The following SLCO1B3 variants were observed in gnomAD, a reference collection of about 807,000 sequenced individuals.
SLCO1B3 encodes the protein liver-specific organic anion transporter 2.
In SLCO1B3, 72 loss-of-function variants were observed where a neutral mutation model predicts 71.8. The observed-to-expected ratio is 1.00, with a 90% CI of 0.83 to 1.22. The LOEUF is 1.22. Among genes scored for constraint, SLCO1B3 ranks in the 50% most tolerant of loss-of-function variants. The pLI, the probability that SLCO1B3 is intolerant of heterozygous loss-of-function variation, is 0.00. For synonymous variants in SLCO1B3, 298 were observed against 278.4 expected, an observed-to-expected ratio of 1.07 and a Z score of -0.70; for missense variants, 911 against 819.7, an observed-to-expected ratio of 1.11 and a Z score of -1.36.
intron 8 of SLCO1B3, among the ~76,000 whole-genome samples, chr12:20,868,607 T>TGG (rs1865415944): frequency 6.6e-6 from 1 of 152,040 alleles, no homozygotes. Flanking sequence ...ACAGATTTGG[T>TGG]GGGTCTCTTA....
At chr12:20,824,441 A>C (rs1468188374) in intron 3 of SLCO1B3, among the ~76,000 whole-genome samples, 1 of 152,188 alleles carries the variant, frequency 6.6e-6, no homozygotes, top group Admixed American at 6.5e-5. Flanking sequence ...TACTCCTCAG[A>C]GTTCAATAGC....
intron 3 of SLCO1B3, among the ~76,000 whole-genome samples, chr12:20,820,933 G>A (rs934890373): frequency 6.6e-6 from 1 of 152,110 alleles, no homozygotes; most frequent in African/African-American, 2.4e-5. Flanking sequence ...GTGGGGGAGG[G>A]GTAGTCATGG....
intron 15 of SLCO1B3, among the ~76,000 whole-genome samples, chr12:20,906,871 A>G (rs750557742): frequency 7.2e-5 from 11 of 152,220 alleles, no homozygotes; most frequent in Non-Finnish European, 1.0e-4. Context: ...GGCAAAGTAT[A>G]TAACTTTGAG....
intron 3 of SLCO1B3, among the ~76,000 whole-genome samples, chr12:20,820,196 C>T (rs1441700035): frequency 2.2e-4 from 34 of 151,916 alleles, no homozygotes; most frequent in African/African-American, 8.2e-4. Flanking sequence ...CGGACTTACC[C>T]TCCACTGTGA....
At chr12:20,864,353 T>C (rs1422288970) in intron 8 of SLCO1B3, among the ~76,000 whole-genome samples, 1 of 152,150 alleles carries the variant, frequency 6.6e-6, no homozygotes, top group African/African-American at 2.4e-5. Flanking sequence ...TGTTAGCATA[T>C]AATAACTCAT....
At chr12:20,883,624 A>G (rs552511534) in intron 13 of SLCO1B3, 22 bp downstream of exon 13, 13 of 1,500,532 alleles carry the variant, frequency 8.7e-6, no homozygotes, top group South Asian at 1.3e-5. Flanking sequence ...CCTGTAAAAC[A>G]TTGTCATGTA....
rs1225790914 is a variant in SLCO1B3 at position 20,874,844 on chromosome 12, C to G, written c.728-391C>G. Among the ~76,000 whole-genome samples the G allele has an allele frequency of 2.0e-5, 3 of 152,102 alleles. No individual in the cohort carries two copies. The East Asian group carries it at 5.8e-4, about 29-fold the overall frequency. ...GCTTAAATTTTATTTCTGAGGCTTT[C>G]TTGACCTCATTAGATGATTCCAACA... is the stretch of plus-strand genomic sequence containing the variant. On this transcript the variant is annotated intron_variant, in intron 8 of 15. Coordinates refer to ENST00000381545, the MANE Select transcript of SLCO1B3 (RefSeq NM_019844.4).
rs1864625424 is a variant in SLCO1B3, at chr12:20,834,365, G to C, written c.84+18543G>C. Among the ~76,000 whole-genome samples the C allele has an allele frequency of 4.6e-5, 5 of 107,694 alleles. No individual in the cohort carries two copies. In the South Asian group the frequency reaches 2.0e-3, roughly 42 times the overall value. 70.7% of individuals were successfully genotyped at this position (107,694 alleles called of 152,430 possible). A position where few individuals can be genotyped will look rare whatever the true frequency, so the allele number is the denominator to read the frequency against. The stretch of plus-strand genomic sequence containing the variant: ...TATATATGTAGTCTTCATATACGTG[G>C]AGACTATATATATATATAATTATAT... On this transcript the variant is annotated intron_variant, in intron 3 of 15. Transcript: ENST00000381545.
In SLCO1B3 at chr12:20,914,141, G is replaced by A. The variant is rs577455604; in HGVS notation, c.1866-1863G>A. Among the ~76,000 whole-genome samples, 18 of 152,146 alleles carry A rather than the reference G, an allele frequency of 1.2e-4. No individual in the cohort carries two copies. The South Asian group carries it at 3.5e-3, about 30-fold the overall frequency. On this transcript the variant is annotated intron_variant, in intron 15 of 15. Transcript: ENST00000381545. ...CTGATATAATTGAAAGAATACTGAC[G>A]ATATTTGTTACTATTTTCTATTTGC...
intron 15 of SLCO1B3, 94 bp downstream of exon 15, chr12:20,901,561 T>C (rs948662197): frequency 2.0e-5 from 13 of 636,534 alleles, no homozygotes; most frequent in African/African-American, 9.3e-5. Context: ...GTAATATTAA[T>C]GATAGCTACC....
intron 3 of SLCO1B3, among the ~76,000 whole-genome samples, chr12:20,841,361 C>A (rs1454035897): frequency 6.6e-6 from 1 of 152,122 alleles, no homozygotes; most frequent in African/African-American, 2.4e-5. Flanking sequence ...AAATTGTATT[C>A]ACTTATCTCA....
chr12:20,883,194 T>A (rs1565601392), intron 12 of SLCO1B3, among the ~76,000 whole-genome samples: 1 of 152,198 alleles, frequency 6.6e-6, no homozygotes, highest in Non-Finnish European at 1.5e-5. Context: ...TTTTAAATAA[T>A]GTATATTAAT....
chr12:20,819,997 G>A (rs1864263571), intron 3 of SLCO1B3, among the ~76,000 whole-genome samples: 1 of 152,044 alleles, frequency 6.6e-6, no homozygotes, highest in African/African-American at 2.4e-5. Flanking sequence ...AAGGGAACTG[G>A]GCAGGTGGGG....
chr12:20,876,774 C>G (rs190827054), intron 9 of SLCO1B3, among the ~76,000 whole-genome samples: 28 of 152,196 alleles, frequency 1.8e-4, no homozygotes, highest in African/African-American at 6.5e-4. Flanking sequence ...AACAGCGTAT[C>G]AAGGATTTTT....
At chr12:20,901,746 A>G (rs1305714930) in intron 15 of SLCO1B3, among the ~76,000 whole-genome samples, 1 of 152,220 alleles carries the variant, frequency 6.6e-6, no homozygotes, top group East Asian at 1.9e-4. Flanking sequence ...TAAAAGAAAT[A>G]CAGCTAGGAT....
rs555419606 is a variant in SLCO1B3, at chr12:20,880,779, C to A, written c.1332-76C>A. On this transcript the variant is annotated intron_variant, in intron 11 of 15. Transcript: ENST00000381545. ...CTCCTCTATTTCCCCTCTCCTTATCCCCTTGTCTCCCTCTTCTGCTCTTTC... is the reference window on the plus strand; with the variant it reads ...CTCCTCTATTTCCCCTCTCCTTATCACCTTGTCTCCCTCTTCTGCTCTTTC... 8.4e-6 allele frequency: 8 copies of A among 956,372 alleles called. No individual in the cohort carries two copies. The African/African-American group carries it at 1.2e-4, about 14-fold the overall frequency. 59.2% of individuals were successfully genotyped at this position (956,372 alleles called of 1,614,324 possible).
intron 15 of SLCO1B3, among the ~76,000 whole-genome samples, chr12:20,903,781 G>A (rs12824715): frequency 0.15 from 23,165 of 152,050 alleles, 1,936 homozygotes; most frequent in Middle Eastern, 0.28. Flanking sequence ...ATCCCTGGTC[G>A]TTCCCAAATC....
intron 3 of SLCO1B3, among the ~76,000 whole-genome samples, chr12:20,832,889 G>T (rs1240615734): frequency 6.6e-6 from 1 of 152,048 alleles, no homozygotes; most frequent in Non-Finnish European, 1.5e-5. Flanking sequence ...ACCCCAAAAC[G>T]CACCTGTGTA....
chr12:20,816,402 A>C (rs1408842259), intron 3 of SLCO1B3, among the ~76,000 whole-genome samples: 2 of 152,008 alleles, frequency 1.3e-5, no homozygotes, highest in Admixed American at 1.3e-4. Flanking sequence ...CACTGTGTCC[A>C]TGAATTCAAT....
Sources: allele counts gnomAD v4.1 joint callset (sites outside exome capture counted in the v4.1 genomes callset), GRCh38; gene constraint gnomAD v4.1.1; transcripts MANE v1.5; gene names NCBI Gene and HGNC (gene_info 2026-07-23, HGNC 2026-07-21).